Variants in TSNARE1 observed in about 807,000 individuals in gnomAD.
The protein encoded by TSNARE1 is t-SNARE domain containing 1.
A neutral mutation model predicts 62.0 loss-of-function variants in TSNARE1; 49 were observed. The ratio of observed to expected loss-of-function variants is 0.79; its 90% confidence interval spans 0.63 to 1.00. The LOEUF (loss-of-function observed/expected upper bound fraction) is 1.00. Ranked by LOEUF, TSNARE1 falls within the 50% of genes least tolerant of loss-of-function variation. The pLI is 0.00. For missense variants in TSNARE1, 755 were observed against 700.1 expected (o/e 1.08, Z -0.88); for synonymous variants, 328 against 294.4 (o/e 1.11, Z -1.17).
rs138198362 is a variant in TSNARE1, at chr8:142,345,368, G to A, written c.238+375C>T. 6.4e-3 allele frequency among the ~76,000 whole-genome samples: 973 copies of A among 152,294 alleles called. 8 individuals carry two copies. The highest frequency in any genetic ancestry group is 0.017 in the Middle Eastern group (5 of 292). ...GATACCTGCAGAGGTCACCGCACCT[G>A]TTCCTCCCCAAACCACAGCAAGCAC... On this transcript the variant is annotated intron_variant, in intron 3 of 13. Coordinates refer to ENST00000524325, the MANE Select transcript of TSNARE1 (RefSeq NM_145003.5).
chr8:142,342,847 C>A (rs935829492), intron 4 of TSNARE1, among the ~76,000 whole-genome samples: 1 of 150,582 alleles, frequency 6.6e-6, no homozygotes, highest in African/African-American at 2.5e-5. Flanking sequence ...CCTGTTCCAG[C>A]ACCTGTCCAG....
intron 12 of TSNARE1, among the ~76,000 whole-genome samples, chr8:142,259,382 G>T (rs1818744942): frequency 6.6e-6 from 1 of 152,200 alleles, no homozygotes; most frequent in South Asian, 2.1e-4. Context: ...CACGGTTTCT[G>T]GGGTCCCAGG....
At chr8:142,389,116 A>C (rs1355697204) in intron 1 of TSNARE1, among the ~76,000 whole-genome samples, 1 of 152,230 alleles carries the variant, frequency 6.6e-6, no homozygotes, top group African/African-American at 2.4e-5. Context: ...TGGTCAAATG[A>C]TTTTAGACAA....
At chr8:142,325,165 G>T (rs537509645) in intron 6 of TSNARE1, among the ~76,000 whole-genome samples, 1 of 152,370 alleles carries the variant, frequency 6.6e-6, no homozygotes, top group African/African-American at 2.4e-5. Context: ...AGCGGGCCTG[G>T]AAGTGAGGCC....
At chr8:142,243,443 G>A (rs1176355277) in intron 12 of TSNARE1, among the ~76,000 whole-genome samples, 5 of 152,182 alleles carry the variant, frequency 3.3e-5, no homozygotes, top group Non-Finnish European at 5.9e-5. Context: ...CCTCTCATTC[G>A]TGACAACGTG....
At chr8:142,324,251 T>C (rs995100028) in intron 6 of TSNARE1, among the ~76,000 whole-genome samples, 4 of 152,168 alleles carry the variant, frequency 2.6e-5, no homozygotes, top group East Asian at 3.9e-4. Context: ...ACAAAACCCA[T>C]GTATCCCCAC....
intron 12 of TSNARE1, chr8:142,271,058 T>G (rs1819482991): frequency 1.0e-6 from 1 of 985,894 alleles, no homozygotes; most frequent in Non-Finnish European, 1.2e-6. Flanking sequence ...GCTCCTGCCC[T>G]TTGGCTCTGC....
At position 142,318,557 on chromosome 8, in the gene TSNARE1, C is replaced by T. The variant is rs201878259; in HGVS notation, c.971G>A (p.Arg324His). Residue 324 changes from arginine (R) to histidine (H), a missense_variant, in exon 7 of 14, where the codon CGC (arginine) becomes CAC (histidine). By Grantham distance (29) the Arg-to-His change is conservative. Coordinates refer to ENST00000524325, the MANE Select transcript of TSNARE1 (RefSeq NM_145003.5). ...SSVKQMAELLRSSCPQERLQQ... is the reference protein window; with the variant it reads ...SSVKQMAELLHSSCPQERLQQ... The stretch of plus-strand genomic sequence containing the variant: ...CCAGGAACATACCGGGCAGGAGCTG[C>T]GCAGCAGCTCGGCCATCTGCTTCAC... 1.4e-4 allele frequency: 218 copies of T among 1,612,970 alleles called. 1 individual carries two copies. Among genetic ancestry groups the T allele is most frequent in the Middle Eastern group, 3.3e-4 (2 of 6,082 alleles).
chr8:142,336,549 T>C (rs1831787536), intron 4 of TSNARE1, among the ~76,000 whole-genome samples: 1 of 152,148 alleles, frequency 6.6e-6, no homozygotes, highest in South Asian at 2.1e-4. Context: ...ATGCACCTAA[T>C]GTCACAGCTT....
intron 1 of TSNARE1, among the ~76,000 whole-genome samples, chr8:142,357,948 G>C (rs1331137246): frequency 6.6e-6 from 1 of 152,122 alleles, no homozygotes; most frequent in Non-Finnish European, 1.5e-5. Flanking sequence ...TCACTGCAAA[G>C]GGCGGCGGGG....
intron 2 of TSNARE1, among the ~76,000 whole-genome samples, chr8:142,350,256 G>A (rs1454049202): frequency 6.6e-6 from 1 of 152,206 alleles, no homozygotes; most frequent in Non-Finnish European, 1.5e-5. Context: ...GCCGGCTTCT[G>A]CATCTGCATC....
chr8:142,304,313 C>T (rs577773729), intron 9 of TSNARE1, among the ~76,000 whole-genome samples: 122 of 152,326 alleles, frequency 8.0e-4, no homozygotes, highest in African/African-American at 2.8e-3. Context: ...CCTAGGCTTC[C>T]GGGGCTCTTG....
chr8:142,366,914 T>G (rs1483849456), intron 1 of TSNARE1, among the ~76,000 whole-genome samples: 1 of 152,184 alleles, frequency 6.6e-6, no homozygotes, highest in Non-Finnish European at 1.5e-5. Flanking sequence ...AATAAAAGAC[T>G]CTGGTAAAGT....
Position 142,390,962 on chromosome 8 carries a change from C to G in TSNARE1, c.-40+12142G>C, listed in dbSNP as rs1837472835. 2.1e-5 allele frequency among the ~76,000 whole-genome samples: 3 copies of G among 140,116 alleles called. No individual in the cohort carries two copies. The South Asian group carries it at 7.4e-4, about 35-fold the overall frequency. 91.9% of individuals were successfully genotyped at this position (140,116 alleles called of 152,430 possible). ...ACACTGCAGGGGACTCTATAGCAGA[C>G]GCTGTACACTGCTGGGGACTCTATA... On this transcript the variant is annotated intron_variant, in intron 1 of 13. Coordinates refer to ENST00000524325, the MANE Select transcript of TSNARE1 (RefSeq NM_145003.5).
At chr8:142,385,764 A>C (rs915272790) in intron 1 of TSNARE1, among the ~76,000 whole-genome samples, 1 of 152,260 alleles carries the variant, frequency 6.6e-6, no homozygotes, top group African/African-American at 2.4e-5. Context: ...GTAATTACTC[A>C]TAGAAGGTGT....
At chr8:142,392,537 G>A (rs923633953) in intron 1 of TSNARE1, among the ~76,000 whole-genome samples, 1 of 152,184 alleles carries the variant, frequency 6.6e-6, no homozygotes, top group African/African-American at 2.4e-5. Flanking sequence ...GACATCACCA[G>A]GTGACGGGAA....
At chr8:142,348,019 G>C (rs1833607381) in intron 2 of TSNARE1, among the ~76,000 whole-genome samples, 1 of 152,244 alleles carries the variant, frequency 6.6e-6, no homozygotes, top group Non-Finnish European at 1.5e-5. Flanking sequence ...CGTGAACCTA[G>C]AACATGGCAG....
chr8:142,245,410 C>G (rs1047924635), intron 12 of TSNARE1, among the ~76,000 whole-genome samples: 1 of 152,220 alleles, frequency 6.6e-6, no homozygotes, highest in Admixed American at 6.5e-5. Context: ...ACTGCAAACA[C>G]TCTACGCATC....
At chr8:142,222,188 AC>A (rs1563754661) in intron 13 of TSNARE1, among the ~76,000 whole-genome samples, 8 of 99,610 alleles carry the variant, frequency 8.0e-5, no homozygotes, top group Admixed American at 9.9e-5. Flanking sequence ...TCATCCACTC[AC>A]TCATTCACTC....
Sources: allele counts gnomAD v4.1 joint callset (sites outside exome capture counted in the v4.1 genomes callset), GRCh38; gene constraint gnomAD v4.1.1; transcripts MANE v1.5; gene names NCBI Gene and HGNC (gene_info 2026-07-23, HGNC 2026-07-21).